BAZ1A: variants seen among roughly 807,000 people sequenced by gnomAD.
BAZ1A encodes the protein bromodomain adjacent to zinc finger domain protein 1A.
A neutral mutation model predicts 185.2 loss-of-function variants in BAZ1A; 50 were observed. That is an observed-to-expected ratio of 0.27 (90% CI 0.22 to 0.34). The LOEUF (loss-of-function observed/expected upper bound fraction) is 0.34. Among genes scored for constraint, BAZ1A ranks in the 10% least tolerant of loss-of-function variants. The probability of loss-of-function intolerance (pLI) is 1.00; values close to 1 mark genes in which losing one functional copy is unlikely to be tolerated. For missense variants in BAZ1A, 1,356 were observed against 1,839.9 expected, an observed-to-expected ratio of 0.74 and a Z score of 4.81; for synonymous variants, 571 against 615.6, an observed-to-expected ratio of 0.93 and a Z score of 1.07.
intron 4 of BAZ1A, among the ~76,000 whole-genome samples, chr14:34,822,819 G>A (rs2042107812): frequency 6.6e-6 from 1 of 152,158 alleles, no homozygotes; most frequent in African/African-American, 2.4e-5. Context: ...ACCAATGGAA[G>A]TCTTCTTCAA....
chr14:34,868,691 C>T lies in BAZ1A; in HGVS notation c.113+5801G>A, dbSNP rs930458548. On this transcript the variant is annotated intron_variant, in intron 2 of 26. Transcript: ENST00000360310. Reference sequence around the variant, plus strand: ...TGTCAGGAGCCTGTAATCCTAGCTACTCGGGACGCTGAGGTGGGAGAATCG... The same window carrying T: ...TGTCAGGAGCCTGTAATCCTAGCTATTCGGGACGCTGAGGTGGGAGAATCG... Among the ~76,000 whole-genome samples the T allele has an allele frequency of 3.3e-5, 5 of 151,898 alleles. No homozygotes were observed. In the East Asian group the frequency reaches 5.8e-4, roughly 18 times the overall value.
At chr14:34,860,390 CCCAGCTACTCAGGAGGCT>C (rs1279625547) in intron 3 of BAZ1A, among the ~76,000 whole-genome samples, 1 of 151,772 alleles carries the variant, frequency 6.6e-6, no homozygotes. Flanking sequence ...CACCTGTAGT[CCCAGCTACTCAGGAGGCT>C]GAGGTGGGAG....
intron 19 of BAZ1A, 45 bp from the exon 20 acceptor site, chr14:34,773,771 T>C: frequency 6.3e-7 from 1 of 1,591,334 alleles, no homozygotes; most frequent in Non-Finnish European, 8.6e-7. Flanking sequence ...ATGGAATATA[T>C]TGTTTCTGAG....
chr14:34,848,651 T>C (rs763704943), intron 3 of BAZ1A, among the ~76,000 whole-genome samples: 15 of 152,196 alleles, frequency 9.9e-5, no homozygotes, highest in Admixed American at 9.8e-4. Context: ...AAAACAATAC[T>C]GAACCATAGT....
chr14:34,846,128 A>C (rs2383678), intron 3 of BAZ1A, among the ~76,000 whole-genome samples: 1 of 151,930 alleles, frequency 6.6e-6, no homozygotes, highest in Admixed American at 6.6e-5. Flanking sequence ...CTTCAGAACC[A>C]TTACTATTCT....
At chr14:34,833,236 A>C (rs923072575) in intron 3 of BAZ1A, among the ~76,000 whole-genome samples, 5 of 151,826 alleles carry the variant, frequency 3.3e-5, no homozygotes, top group African/African-American at 9.7e-5. Context: ...CAAACAAAAA[A>C]CCCCAAGCTT....
chr14:34,778,904 G>T (rs1293936590), intron 17 of BAZ1A, among the ~76,000 whole-genome samples: 3 of 152,070 alleles, frequency 2.0e-5, no homozygotes, highest in African/African-American at 7.2e-5. Context: ...GCCCAGGCTG[G>T]AGTGCAGTGG....
intron 3 of BAZ1A, among the ~76,000 whole-genome samples, chr14:34,836,378 C>CAAAAAAAAAAA (rs773500177): frequency 7.6e-5 from 1 of 13,132 alleles, no homozygotes; most frequent in East Asian, 7.7e-3. Context: ...GACTCCGTCT[C>CAAAAAAAAAAA]AAAAAAAAAA....
At position 34,875,124 on chromosome 14, in the gene BAZ1A, C is replaced by T. The variant is rs2043027294; in HGVS notation, c.-59+14G>A. The T allele has an allele frequency of 2.7e-6, 1 of 371,082 alleles. No homozygotes were observed. 23.0% of individuals were successfully genotyped at this position (371,082 alleles called of 1,614,324 possible). ...TTCCCCGCCGGCGCCGGCCGGCTCC[C>T]GAGCGACCCTCACCTGCGATCACGC... On this transcript the variant is annotated intron_variant, in intron 1 of 26. Transcript: ENST00000360310.
At chr14:34,794,181 A>G (rs1458802903) in intron 11 of BAZ1A, among the ~76,000 whole-genome samples, 1 of 152,174 alleles carries the variant, frequency 6.6e-6, no homozygotes, top group Non-Finnish European at 1.5e-5. Flanking sequence ...AAGTCTCTAC[A>G]TGGATTTTAA....
At chr14:34,852,557 C>T (rs769834622) in intron 3 of BAZ1A, among the ~76,000 whole-genome samples, 9 of 151,560 alleles carry the variant, frequency 5.9e-5, no homozygotes, top group Non-Finnish European at 1.2e-4. Flanking sequence ...AGTCGGAAGT[C>T]GCAGGGAGCC....
intron 3 of BAZ1A, among the ~76,000 whole-genome samples, chr14:34,835,568 C>T (rs993597640): frequency 6.6e-6 from 1 of 151,822 alleles, no homozygotes; most frequent in Non-Finnish European, 1.5e-5. Flanking sequence ...ACAACTTAAA[C>T]ACATTTCAGA....
intron 26 of BAZ1A, among the ~76,000 whole-genome samples, chr14:34,754,417 C>CAA (rs111245900): frequency 0.1 from 10,883 of 104,580 alleles, 913 homozygotes; most frequent in African/African-American, 0.23. Flanking sequence ...AGACGTATCT[C>CAA]AAAAAAAAAA....
In BAZ1A at chr14:34,761,949, A is replaced by T. The variant is rs201179136; in HGVS notation, c.4051T>A (p.Leu1351Met). The change falls in exon 24 of 27, where the codon TTG (leucine) becomes ATG (methionine). Residue 1351 changes from leucine (L) to methionine (M), a missense_variant. Transcript: ENST00000360310. ...GPLQADVFVE[L>M]LSPRRKRRGR... ...CTGCGTTTTCTACGAGGACTAAGCAATTCCACAAATACATCTGCTTGCAGT... is the reference window on the plus strand; with the variant it reads ...CTGCGTTTTCTACGAGGACTAAGCATTTCCACAAATACATCTGCTTGCAGT... 12 of 1,614,206 alleles carry T rather than the reference A, an allele frequency of 7.4e-6. No individual in the cohort carries two copies. The African/African-American group carries it at 1.1e-4, about 14-fold the overall frequency.
At chr14:34,759,775 A>G (rs1425326112) in intron 24 of BAZ1A, among the ~76,000 whole-genome samples, 4 of 151,972 alleles carry the variant, frequency 2.6e-5, no homozygotes, top group African/African-American at 4.8e-5. Context: ...CCTGGGTTCA[A>G]GCAATTCTCC....
chr14:34,824,629 A>G lies in BAZ1A; in HGVS notation c.536+1384T>C, dbSNP rs111783920. On this transcript the variant is annotated intron_variant, in intron 4 of 26. Transcript: ENST00000360310. ...AAAATGCATATAAAGCACTTAGCAC[A>G]GTGCCTGATCACAGTCAATTCTCAA... 8.8e-3 allele frequency among the ~76,000 whole-genome samples: 1,341 copies of G among 152,322 alleles called. 23 individuals are homozygous for G. Among genetic ancestry groups the G allele is most frequent in the African/African-American group, 0.03 (1,268 of 41,580 alleles).
At chr14:34,839,899 A>C (rs1328654570) in intron 3 of BAZ1A, among the ~76,000 whole-genome samples, 1 of 119,806 alleles carries the variant, frequency 8.3e-6, no homozygotes, top group Non-Finnish European at 1.8e-5. Context: ...AATTTTTTAA[A>C]AAAGAAAAGA....
rs149651713 is a variant in BAZ1A, at chr14:34,759,431, C to T, written c.4244-585G>A. Among the ~76,000 whole-genome samples the T allele has an allele frequency of 3.3e-5, 5 of 152,138 alleles. No homozygotes were observed. In the East Asian group the frequency reaches 9.7e-4, roughly 30 times the overall value. On this transcript the variant is annotated intron_variant, in intron 24 of 26. Coordinates refer to ENST00000360310, the MANE Select transcript of BAZ1A (RefSeq NM_013448.3). ...ATCTCCTGACCTCGTGATCTCCTGA[C>T]CTCGTGATCTGCCCGCCTCGGCCTC... is the stretch of plus-strand genomic sequence containing the variant.
chr14:34,812,021 C>T (rs1471055246), intron 4 of BAZ1A, among the ~76,000 whole-genome samples: 1 of 152,072 alleles, frequency 6.6e-6, no homozygotes, highest in Non-Finnish European at 1.5e-5. Flanking sequence ...CCAGAAACTA[C>T]TCTAAATAGT....
Sources: allele counts gnomAD v4.1 joint callset (sites outside exome capture counted in the v4.1 genomes callset), GRCh38; gene constraint gnomAD v4.1.1; transcripts MANE v1.5; gene names NCBI Gene and HGNC (gene_info 2026-07-23, HGNC 2026-07-21).